The following ARHGEF15 variants were observed in gnomAD, a reference collection of about 807,000 sequenced individuals.
ARHGEF15 encodes the protein Rho guanine nucleotide exchange factor 15, also known as Rho guanine nucleotide exchange factor (GEF) 15.
In ARHGEF15, 58 loss-of-function variants were observed where a neutral mutation model predicts 79.7. The observed-to-expected ratio is 0.73, with a 90% CI of 0.59 to 0.91. ARHGEF15 has a LOEUF of 0.91. ARHGEF15 is among the 40% of genes least tolerant of loss of function. The pLI is 0.00. For synonymous variants in ARHGEF15, 442 were observed against 456.0 expected, an observed-to-expected ratio of 0.97 and a Z score of 0.39; for missense variants, 1,012 against 1,108.1, an observed-to-expected ratio of 0.91 and a Z score of 1.23.
chr17:8,315,428 G>A lies in ARHGEF15; in HGVS notation c.1275G>A (p.Val425=). Residue 425 remains valine (V), a synonymous_variant, in exon 7 of 16, where the codon GTG becomes GTA. Coordinates refer to ENST00000361926, the MANE Select transcript of ARHGEF15 (RefSeq NM_173728.4). The surrounding 1 kb of genome is among the most constrained non-coding windows in gnomAD (Gnocchi z 4.3). ...ERRMQESLFE[V]VTSEASYLRS... ...TTTCTTTCTAGAGTCTTTTCGAGGTGGTGACGTCCGAGGCTTCCTACCTGC... is the reference window on the plus strand; with the variant it reads ...TTTCTTTCTAGAGTCTTTTCGAGGTAGTGACGTCCGAGGCTTCCTACCTGC... 1.9e-6 allele frequency: 3 copies of A among 1,613,982 alleles called. No homozygotes were observed. The highest frequency in any genetic ancestry group is 2.2e-5 in the South Asian group (2 of 91,084).
Position 8,315,574 on chromosome 17 carries a change from G to T in ARHGEF15, c.1421G>T (p.Arg474Leu). ...CAGCGAGTCCAGGGAGTCAGCGAGC[G>T]GTCAGTGGCTTTCCGTCCTTCCAGG... ...NVQRVQGVSERFLATLLSRVR... is the reference protein window; with the variant it reads ...NVQRVQGVSELFLATLLSRVR... The change falls in exon 7 of 16, where the codon CGG becomes CTG. Residue 474 changes from arginine to leucine, a missense_variant and splice_region_variant. Physicochemically the swap from Arg to Leu is moderately radical, Grantham distance 102 (BLOSUM62 -2). This residue lies in a region of ARHGEF15 where 818 missense variants were observed against 882.5 expected (regional missense o/e 0.93). Coordinates refer to ENST00000361926, the MANE Select transcript of ARHGEF15 (RefSeq NM_173728.4). The surrounding 1 kb of genome is among the most constrained non-coding windows in gnomAD (Gnocchi z 4.3). 1 of 1,607,550 alleles carries T rather than the reference G, an allele frequency of 6.2e-7. No individual in the cohort carries two copies. Among genetic ancestry groups the T allele is most frequent in the South Asian group, 1.1e-5 (1 of 91,076 alleles).
At chr17:8,314,999 A>ACC in intron 5 of ARHGEF15, 35 bp downstream of exon 5, 1 of 1,613,872 alleles carries the variant, frequency 6.2e-7, no homozygotes, top group Non-Finnish European at 8.5e-7. Flanking sequence ...CCCTGCTGTG[A>ACC]CCATCAAGCA....
rs1163854178 is a variant in ARHGEF15 at position 8,315,665 on chromosome 17, G to C, written c.1422-90G>C. On this transcript the variant is annotated intron_variant, in intron 7 of 15. Transcript: ENST00000361926. The surrounding 1 kb of genome is among the most constrained non-coding windows in gnomAD (Gnocchi z 4.3). ...CCCGGGCCCAGGTCCTTCCTTCTAC[G>C]GACCCAGTTAGTTCCCAAACCTTCT... 3.8e-6 allele frequency: 6 copies of C among 1,588,164 alleles called. No homozygotes were observed. Among genetic ancestry groups the C allele is most frequent in the East Asian group, 2.2e-5 (1 of 44,476 alleles).
rs1904663891 is a variant in ARHGEF15 at position 8,312,129 on chromosome 17, T to C, written c.90T>C (p.Ala30=). ...CCCGCCCTCCTTCTCGTTCCAGGGC[T>C]GCCCAGTCCCCAGGGCCTCCCCACA... ...IRPRPPSRSR[A]AQSPGPPHNG... is the part of the protein sequence containing the mutation. The change falls in exon 2 of 16, where the codon GCT becomes GCC. Residue 30 remains alanine, a synonymous_variant. Transcript: ENST00000361926. The C allele has an allele frequency of 1.5e-6, 2 of 1,348,176 alleles. No individual in the cohort carries two copies. Among genetic ancestry groups the C allele is most frequent in the Admixed American group, 2.1e-5 (1 of 46,810 alleles). The allele number at this position is 1,348,176 out of a possible 1,614,324, so 83.5% of individuals were successfully genotyped here. A position where few individuals can be genotyped will look rare whatever the true frequency, so the allele number is the denominator to read the frequency against.
At position 8,313,065 on chromosome 17, in the gene ARHGEF15, T is replaced by TCC; in HGVS notation, c.747_748dup (p.Arg250ProfsTer87). ...GGCCTCCCCGCTGCGGACCTCTCGC[T>TCC]CCCGCCCCCACCCTCCAAGCATCGG... is the stretch of plus-strand genomic sequence containing the variant. On this transcript the variant is annotated frameshift_variant, in exon 3 of 16. Transcript: ENST00000361926. LOFTEE classifies it high-confidence loss of function. 1 of 1,593,404 alleles carries TCC rather than the reference T, an allele frequency of 6.3e-7. No individual in the cohort carries two copies.
rs1487067337 is a variant in ARHGEF15, at chr17:8,316,033, G to A, written c.1589G>A (p.Arg530His). The A allele has an allele frequency of 3.7e-6, 6 of 1,602,658 alleles. No homozygotes were observed. The highest frequency in any genetic ancestry group is 5.1e-6 in the Non-Finnish European group (6 of 1,179,484). The change falls in exon 9 of 16, where the codon CGC becomes CAC. Residue 530 changes from arginine to histidine, a missense_variant. Coordinates refer to ENST00000361926, the MANE Select transcript of ARHGEF15 (RefSeq NM_173728.4). ...TGCTTCTGCAGGGACACCAACGTGC[G>A]CTTCTCCGCCGAGCTGCGCCGGCTG... ...TYSRLMDTNV[R>H]FSAELRRLQS...
At chr17:8,316,242 A>G in intron 9 of ARHGEF15, 94 bp downstream of exon 9, 3 of 1,475,324 alleles carry the variant, frequency 2.0e-6, no homozygotes, top group Non-Finnish European at 2.7e-6. Context: ...ACCATGCACT[A>G]CTCCACCTTA....
rs1356607760 is a variant in ARHGEF15, at chr17:8,315,340, A to T, written c.1260+63A>T. The T allele has an allele frequency of 6.2e-7, 1 of 1,611,024 alleles. No homozygotes were observed. Among genetic ancestry groups the T allele is most frequent in the Non-Finnish European group, 8.5e-7 (1 of 1,178,372 alleles). On this transcript the variant is annotated intron_variant, in intron 6 of 15. Transcript: ENST00000361926. The surrounding 1 kb of genome is among the most constrained non-coding windows in gnomAD (Gnocchi z 4.3). Reference sequence around the variant, plus strand: ...GGGTTGGGCTGCATGGGTCAGGCATAGGGGAGGAGGGCCCAGGGTCCTAGC... The same window carrying T: ...GGGTTGGGCTGCATGGGTCAGGCATTGGGGAGGAGGGCCCAGGGTCCTAGC...
Position 8,313,069 on chromosome 17 carries a change from G to GC in ARHGEF15, c.754dup (p.His252ProfsTer20). ...TCCCCGCTGCGGACCTCTCGCTCCC[G>GC]CCCCCACCCTCCAAGCATCGGTCAC... On this transcript the variant is annotated frameshift_variant, in exon 3 of 16. Transcript: ENST00000361926. LOFTEE classifies it high-confidence loss of function. 3.2e-6 allele frequency: 5 copies of GC among 1,573,242 alleles called. No homozygotes were observed. Among genetic ancestry groups the GC allele is most frequent in the Admixed American group, 1.8e-5 (1 of 54,276 alleles).
chr17:8,315,419 T>C lies in ARHGEF15; in HGVS notation c.1266T>C (p.Leu422=), dbSNP rs768819737. 1 of 1,613,886 alleles carries C rather than the reference T, an allele frequency of 6.2e-7. No homozygotes were observed. Among genetic ancestry groups the C allele is most frequent in the South Asian group, 1.1e-5 (1 of 91,072 alleles). The change falls in exon 7 of 16, where the codon CTT becomes CTC. Residue 422 remains leucine, a synonymous_variant. Coordinates refer to ENST00000361926, the MANE Select transcript of ARHGEF15 (RefSeq NM_173728.4). The surrounding 1 kb of genome is among the most constrained non-coding windows in gnomAD (Gnocchi z 4.3). ...CTGCCTGCTTTTCTTTCTAGAGTCT[T>C]TTCGAGGTGGTGACGTCCGAGGCTT... ...SPQERRMQES[L]FEVVTSEASY... is the part of the protein sequence containing the mutation.
intron 4 of ARHGEF15, 157 bp from the exon 5 acceptor site, chr17:8,314,742 CAAAAAAA>C (rs77491661): frequency 1.7e-4 from 50 of 300,030 alleles, no homozygotes; most frequent in African/African-American, 2.4e-4. Context: ...CTTTCCCCTT[CAAAAAAA>C]AAAAAAAAAA....
At chr17:8,320,299 C>G (rs1203195942) in intron 15 of ARHGEF15, among the ~76,000 whole-genome samples, 2 of 151,164 alleles carry the variant, frequency 1.3e-5, no homozygotes, top group Non-Finnish European at 2.9e-5. Flanking sequence ...GTGAGCAGAG[C>G]AAAGAAGGTC....
intron 2 of ARHGEF15, 32 bp from the exon 3 acceptor site, chr17:8,312,890 G>T: frequency 6.4e-7 from 1 of 1,564,944 alleles, no homozygotes; most frequent in Non-Finnish European, 8.6e-7. Flanking sequence ...GGGCCCCAAG[G>T]GCTTTCTCCT....
chr17:8,321,170 A>G lies in ARHGEF15; in HGVS notation c.*177A>G, dbSNP rs1905365537. 12 of 793,384 alleles carry G rather than the reference A, an allele frequency of 1.5e-5. No homozygotes were observed. Among genetic ancestry groups the G allele is most frequent in the Non-Finnish European group, 2.3e-5 (12 of 511,270 alleles). 49.1% of individuals were successfully genotyped at this position (793,384 alleles called of 1,614,324 possible). A position where few individuals can be genotyped will look rare whatever the true frequency, so the allele number is the denominator to read the frequency against. ...AAAACGGCCGCCTGAACCCACAGCA[A>G]TAAGAATGAATGAGGATGCCTTGAA... On this transcript the variant is annotated 3_prime_UTR_variant, in exon 16 of 16. Transcript: ENST00000361926.
chr17:8,312,700 A>C (rs750968437), intron 2 of ARHGEF15, 60 bp downstream of exon 2: 1 of 1,608,780 alleles, frequency 6.2e-7, no homozygotes, highest in Non-Finnish European at 8.5e-7. Flanking sequence ...CTCCGTTTTC[A>C]GTGCTAACAA....
intron 14 of ARHGEF15, 32 bp downstream of exon 14, chr17:8,319,426 A>G: frequency 6.2e-7 from 1 of 1,602,030 alleles, no homozygotes; most frequent in East Asian, 2.2e-5. Context: ...ATGAGGGAAG[A>G]AAAAGCGAGT....
Position 8,320,774 on chromosome 17 carries a change from G to A in ARHGEF15, c.2375-68G>A, listed in dbSNP as rs1359161210. ...ACCCTGAAGGCCTGAGACCCCACGA[G>A]GCCCCCTTTGCCTCCTCACCTGCTC... On this transcript the variant is annotated intron_variant, in intron 15 of 15. Coordinates refer to ENST00000361926, the MANE Select transcript of ARHGEF15 (RefSeq NM_173728.4). 1.4e-5 allele frequency: 20 copies of A among 1,473,736 alleles called. No individual in the cohort carries two copies. In the East Asian group the frequency reaches 3.5e-4, roughly 26 times the overall value. 91.3% of individuals were successfully genotyped at this position (1,473,736 alleles called of 1,614,324 possible). A position where few individuals can be genotyped will look rare whatever the true frequency, so the allele number is the denominator to read the frequency against.
chr17:8,315,968 G>C lies in ARHGEF15; in HGVS notation c.1575-51G>C. 6.3e-7 allele frequency: 1 copy of C among 1,599,800 alleles called. No individual in the cohort carries two copies. The highest frequency in any genetic ancestry group is 8.5e-7 in the Non-Finnish European group (1 of 1,177,424). On this transcript the variant is annotated intron_variant, in intron 8 of 15. Transcript: ENST00000361926. The surrounding 1 kb of genome is among the most constrained non-coding windows in gnomAD (Gnocchi z 4.3). The stretch of plus-strand genomic sequence containing the variant: ...AGGGATGGGACCGAGGCCACAGCAG[G>C]TTGGGGCACCAGGGCCTCCAGGCAG...
At chr17:8,319,711 C>G in intron 15 of ARHGEF15, 108 bp downstream of exon 15, 1 of 821,408 alleles carries the variant, frequency 1.2e-6, no homozygotes, top group Non-Finnish European at 1.7e-6. Flanking sequence ...GCTCGGCTCA[C>G]TGCAACCTCT....
Sources: gnomAD v4.1 joint callset for allele counts (sites outside exome capture counted in the v4.1 genomes callset) on GRCh38, gnomAD v4.1.1 for gene constraint, gnomAD v4.1.1 regional missense constraint, Gnocchi (gnomAD v3.1) non-coding constraint, MANE v1.5 for transcripts, NCBI Gene and HGNC (gene_info 2026-07-23, HGNC 2026-07-21) for gene names.